The following BAZ2B variants were observed in gnomAD, a reference collection of about 807,000 sequenced individuals.
BAZ2B encodes bromodomain adjacent to zinc finger domain 2B, also known as bromodomain adjacent to zinc finger domain protein 2B.
Under a neutral mutation model 246.0 loss-of-function variants are expected in BAZ2B, and 91 were observed. The observed-to-expected ratio is 0.37, with a 90% confidence interval of 0.31 to 0.44. The LOEUF (loss-of-function observed/expected upper bound fraction) is 0.44. Ranked by LOEUF, BAZ2B falls within the 20% of genes least tolerant of loss-of-function variation. The probability of loss-of-function intolerance (pLI) is 1.00; values close to 1 mark genes in which losing one functional copy is unlikely to be tolerated. For missense variants in BAZ2B, 2,332 were observed against 2,533.7 expected, an observed-to-expected ratio of 0.92 and a Z score of 1.71; for synonymous variants, 855 against 860.0, an observed-to-expected ratio of 0.99 and a Z score of 0.10.
At chr2:159,703,816 G>A in the BAZ2B span, among the ~76,000 whole-genome samples, 2 of 152,126 alleles carry the variant, frequency 1.3e-5, no homozygotes, top group African/African-American at 4.8e-5. Context: ...AGTAAGCAGT[G>A]ATCGTGCCAC....
chr2:159,534,472 G>C (rs1176856043), intron 2 of BAZ2B, among the ~76,000 whole-genome samples: 1 of 152,052 alleles, frequency 6.6e-6, no homozygotes, highest in Non-Finnish European at 1.5e-5. Flanking sequence ...TATTTGTATA[G>C]GTAAACATAT....
intron 2 of BAZ2B, among the ~76,000 whole-genome samples, chr2:159,505,713 G>T (rs1323743791): frequency 2.0e-5 from 3 of 152,044 alleles, no homozygotes; most frequent in African/African-American, 7.3e-5. Context: ...GGATGAAAAG[G>T]TCCCATAAGA....
intron 1 of BAZ2B, among the ~76,000 whole-genome samples, chr2:159,612,890 G>T (rs1215197186): frequency 2.6e-5 from 4 of 152,112 alleles, no homozygotes; most frequent in Non-Finnish European, 5.9e-5. Flanking sequence ...TGCAAACAAA[G>T]AAATGGGAGA....
intron 14 of BAZ2B, among the ~76,000 whole-genome samples, chr2:159,407,839 A>G (rs2066200209): frequency 6.6e-6 from 1 of 152,222 alleles, no homozygotes; most frequent in Non-Finnish European, 1.5e-5. Context: ...AGGACATAAA[A>G]ACCTATAAAC....
downstream of BAZ2B, among the ~76,000 whole-genome samples, chr2:159,318,772 T>G (rs1185148033): frequency 6.6e-6 from 1 of 152,010 alleles, no homozygotes; most frequent in African/African-American, 2.4e-5. Flanking sequence ...GAAGACAAGG[T>G]TCGGAGAAGT....
At chr2:159,389,890 T>G (rs1177862296) in intron 20 of BAZ2B, among the ~76,000 whole-genome samples, 1 of 152,060 alleles carries the variant, frequency 6.6e-6, no homozygotes, top group African/African-American at 2.4e-5. Flanking sequence ...TAGCTAGTCT[T>G]AAGACAGCAC....
At chr2:159,701,853 T>C in the BAZ2B span, among the ~76,000 whole-genome samples, 3 of 151,792 alleles carry the variant, frequency 2.0e-5, no homozygotes, top group African/African-American at 7.3e-5. Context: ...CTTAGCCTCC[T>C]GAGCAGGTAG....
At chr2:159,352,350 T>A (rs1385758805) in intron 27 of BAZ2B, among the ~76,000 whole-genome samples, 1 of 152,208 alleles carries the variant, frequency 6.6e-6, no homozygotes, top group Non-Finnish European at 1.5e-5. Context: ...CCATTCATCT[T>A]AGAATGTCAT....
At chr2:159,453,206 A>C (rs1163586688) in intron 4 of BAZ2B, among the ~76,000 whole-genome samples, 1 of 152,184 alleles carries the variant, frequency 6.6e-6, no homozygotes, top group Non-Finnish European at 1.5e-5. Context: ...AGGAGTGTAA[A>C]AATACTCATA....
At chr2:159,693,957 A>G in the BAZ2B span, 1 of 152,196 alleles carries the variant, frequency 6.6e-6, no homozygotes. Flanking sequence ...TATAATTTAC[A>G]TATCATAAAA....
chr2:159,588,505 A>T (rs553482374), intron 1 of BAZ2B, among the ~76,000 whole-genome samples: 7 of 139,458 alleles, frequency 5.0e-5, no homozygotes, highest in Middle Eastern at 7.5e-3. Flanking sequence ...CCTAGGCAAC[A>T]GAGTAAGATC....
chr2:159,428,870 T>G (rs1324071432), intron 11 of BAZ2B, among the ~76,000 whole-genome samples: 1 of 150,686 alleles, frequency 6.6e-6, no homozygotes, highest in African/African-American at 2.4e-5. Context: ...TGGCTTTTAC[T>G]GTCCTTTAAT....
chr2:159,524,088 G>A (rs967641789), intron 2 of BAZ2B, among the ~76,000 whole-genome samples: 3 of 152,124 alleles, frequency 2.0e-5, no homozygotes, highest in African/African-American at 7.2e-5. Flanking sequence ...TGATTCAGCA[G>A]AGGAGGCCTT....
At chr2:159,677,956 A>C in the BAZ2B span, among the ~76,000 whole-genome samples, 1 of 152,222 alleles carries the variant, frequency 6.6e-6, no homozygotes, top group Non-Finnish European at 1.5e-5. Context: ...AAATACTTAA[A>C]GATGAAAACT....
At chr2:159,459,667 C>G (rs1381009017) in intron 3 of BAZ2B, 2 of 152,020 alleles carry the variant, frequency 1.3e-5, no homozygotes, top group Non-Finnish European at 2.9e-5. Flanking sequence ...AAAGCATATT[C>G]AGTATTAATA....
the BAZ2B span, chr2:159,693,442 T>TTTTTG: frequency 6.6e-6 from 1 of 150,860 alleles, no homozygotes. Flanking sequence ...TTTTTTTTTT[T>TTTTTG]GAGACAGGGT....
At chr2:159,634,655 C>T in the BAZ2B span, among the ~76,000 whole-genome samples, 1 of 152,148 alleles carries the variant, frequency 6.6e-6, no homozygotes, top group African/African-American at 2.4e-5. Flanking sequence ...TGATTTTACT[C>T]TGAGGAGTGC....
chr2:159,449,940 G>A (rs756319117), intron 4 of BAZ2B, among the ~76,000 whole-genome samples: 1 of 152,148 alleles, frequency 6.6e-6, no homozygotes, highest in African/African-American at 2.4e-5. Context: ...GGAGGCTGAG[G>A]TGAAAGGTTC....
the BAZ2B span, among the ~76,000 whole-genome samples, chr2:159,687,945 C>T: frequency 6.6e-6 from 1 of 152,272 alleles, no homozygotes; most frequent in Middle Eastern, 3.4e-3. Flanking sequence ...AAAATTGATA[C>T]ATTTGGTATC....
Sources: allele counts gnomAD v4.1 joint callset (sites outside exome capture counted in the v4.1 genomes callset), GRCh38; gene constraint gnomAD v4.1.1; transcripts MANE v1.5; gene names NCBI Gene and HGNC (gene_info 2026-07-23, HGNC 2026-07-21).